The following CPS1 variants were observed in gnomAD, a reference collection of about 807,000 sequenced individuals.
CPS1 encodes the protein carbamoyl-phosphate synthase 1.
Under a neutral mutation model 174.6 loss-of-function variants are expected in CPS1, and 109 were observed. The observed-to-expected ratio is 0.62, with a 90% CI of 0.53 to 0.73. The LOEUF (loss-of-function observed/expected upper bound fraction) is 0.73. Ranked by LOEUF, CPS1 falls within the 30% of genes least tolerant of loss-of-function variation. The probability of loss-of-function intolerance (pLI) is 0.00; values close to 1 mark genes in which losing one functional copy is unlikely to be tolerated. For missense variants in CPS1, 1,689 were observed against 1,821.9 expected (o/e 0.93, Z 1.33); for synonymous variants, 637 against 632.0 (o/e 1.01, Z -0.12).
At chr2:210,612,353 G>T in intron 20 of CPS1, 60 bp downstream of exon 20, 1 of 1,584,228 alleles carries the variant, frequency 6.3e-7, no homozygotes. Flanking sequence ...AGTCAGTCTG[G>T]ACATTAAAAT....
intron 1 of CPS1, among the ~76,000 whole-genome samples, chr2:210,486,982 T>TTTTATTTATTTA (rs35198456): frequency 0.02 from 3,036 of 151,360 alleles, 93 homozygotes; most frequent in African/African-American, 0.07. Context: ...GACCCATGCC[T>TTTTATTTATTTA]TTTATTTATT....
chr2:210,638,676 T>G (rs1399493298), intron 22 of CPS1, among the ~76,000 whole-genome samples: 2 of 152,184 alleles, frequency 1.3e-5, no homozygotes, highest in Non-Finnish European at 2.9e-5. Flanking sequence ...TTCAATGAGA[T>G]CTTGTTCTCC....
intron 1 of CPS1, among the ~76,000 whole-genome samples, chr2:210,540,148 C>T (rs61413307): frequency 0.023 from 3,566 of 152,204 alleles, 143 homozygotes; most frequent in African/African-American, 0.081. Context: ...AAGAATTTAA[C>T]GAACTCCCCT....
chr2:210,677,267 T>C (rs1701565987), intron 37 of CPS1, 131 bp downstream of exon 37: 1 of 910,574 alleles, frequency 1.1e-6, no homozygotes, highest in Non-Finnish European at 1.7e-6. Context: ...GAATTTTTAA[T>C]AATCTAAAAT....
At chr2:210,567,159 C>T (rs950770467) in intron 1 of CPS1, among the ~76,000 whole-genome samples, 1 of 152,054 alleles carries the variant, frequency 6.6e-6, no homozygotes, top group African/African-American at 2.4e-5. Context: ...TAACGCTTTA[C>T]TTTATCCAAA....
At chr2:210,539,721 G>A (rs1574503792) in intron 1 of CPS1, among the ~76,000 whole-genome samples, 2 of 152,162 alleles carry the variant, frequency 1.3e-5, no homozygotes, top group African/African-American at 4.8e-5. Context: ...CTGTGCTGTT[G>A]ACATCTGCTC....
intron 1 of CPS1, among the ~76,000 whole-genome samples, chr2:210,536,068 G>C (rs1209613990): frequency 6.6e-6 from 1 of 151,936 alleles, no homozygotes; most frequent in Non-Finnish European, 1.5e-5. Flanking sequence ...GGTCAGGTCT[G>C]TTGACATTAT....
At chr2:210,578,068 G>A (rs1376328679) in intron 4 of CPS1, among the ~76,000 whole-genome samples, 1 of 151,724 alleles carries the variant, frequency 6.6e-6, no homozygotes, top group African/African-American at 2.4e-5. Flanking sequence ...GTAAGAAAAG[G>A]GTTATAAAAC....
intron 5 of CPS1, among the ~76,000 whole-genome samples, chr2:210,582,123 C>T (rs987715165): frequency 2.0e-5 from 3 of 152,104 alleles, no homozygotes; most frequent in Non-Finnish European, 4.4e-5. Flanking sequence ...ATTTTCATTT[C>T]AAATTCTAGA....
intron 4 of CPS1, 151 bp from the exon 5 acceptor site, chr2:210,579,563 A>G: frequency 1.4e-6 from 1 of 693,274 alleles, no homozygotes; most frequent in Non-Finnish European, 2.6e-6. Flanking sequence ...CTGTGTTCTG[A>G]CAATACAGTC....
chr2:210,497,177 TATTAC>T (rs1695010514), intron 1 of CPS1, among the ~76,000 whole-genome samples: 1 of 152,166 alleles, frequency 6.6e-6, no homozygotes, highest in South Asian at 2.1e-4. Flanking sequence ...TTAAAAAATG[TATTAC>T]TGTTTTATAT....
Position 210,486,151 on chromosome 2 carries a change from CA to C in CPS1, c.3+8386del, listed in dbSNP as rs1559731076. ...ACACACACACACACACACACACACA[CA>C]CACACACCCTGTATATATATATATG... On this transcript the variant is annotated intron_variant, in intron 1 of 38. Transcript: ENST00000430249. 2.0e-3 allele frequency among the ~76,000 whole-genome samples: 260 copies of C among 131,286 alleles called. 1 individual carries two copies. The highest frequency in any genetic ancestry group is 4.0e-3 in the African/African-American group (126 of 31,262). 86.1% of individuals were successfully genotyped at this position (131,286 alleles called of 152,430 possible).
chr2:210,656,684 A>C (rs1392227609), intron 30 of CPS1, 52 bp downstream of exon 30: 1 of 1,391,412 alleles, frequency 7.2e-7, no homozygotes, highest in African/African-American at 1.5e-5. Flanking sequence ...TCAGAAAAAA[A>C]CACCTAAGGT....
chr2:210,663,583 A>G (rs1004262416), intron 33 of CPS1, among the ~76,000 whole-genome samples: 1 of 152,146 alleles, frequency 6.6e-6, no homozygotes, highest in African/African-American at 2.4e-5. Flanking sequence ...TTTACTAGTA[A>G]TATGGAGAAT....
chr2:210,605,377 C>A (rs1464674914), intron 17 of CPS1, 131 bp downstream of exon 17: 2 of 981,764 alleles, frequency 2.0e-6, no homozygotes, highest in Non-Finnish European at 1.6e-6. Flanking sequence ...ACATTTTGGA[C>A]AAGCATAGTA....
At chr2:210,584,391 G>A (rs918863891) in intron 6 of CPS1, among the ~76,000 whole-genome samples, 1 of 152,108 alleles carries the variant, frequency 6.6e-6, no homozygotes, top group African/African-American at 2.4e-5. Context: ...TAGAAAGTGA[G>A]TGTTATTTTG....
intron 9 of CPS1, 131 bp downstream of exon 9, chr2:210,591,037 A>T: frequency 3.9e-6 from 1 of 258,830 alleles, no homozygotes; most frequent in Non-Finnish European, 7.2e-6. Flanking sequence ...CTTAAAGTAT[A>T]ATAAAAATAA....
chr2:210,595,260 AT>A (rs1194554399), intron 12 of CPS1, among the ~76,000 whole-genome samples: 5 of 151,790 alleles, frequency 3.3e-5, no homozygotes, highest in African/African-American at 1.2e-4. Context: ...TCTGCCAAAA[AT>A]TTTTTACTTA....
chr2:210,600,199 G>T lies in CPS1; in HGVS notation c.1550-356G>T, dbSNP rs112050860. ...TGAGGATAATTTTTTAGCCCAGGTA[G>T]GTACTCATATATTTGGGATTTTTTA... On this transcript the variant is annotated intron_variant, in intron 14 of 37. Transcript: ENST00000233072. Among the ~76,000 whole-genome samples the T allele has an allele frequency of 7.6e-3, 1,154 of 151,606 alleles. 13 individuals carry two copies. The highest frequency in any genetic ancestry group is 0.026 in the African/African-American group (1,093 of 41,398).
Sources: allele counts gnomAD v4.1 joint callset (sites outside exome capture counted in the v4.1 genomes callset), GRCh38; gene constraint gnomAD v4.1.1; transcripts MANE v1.5; gene names NCBI Gene and HGNC (gene_info 2026-07-23, HGNC 2026-07-21).